MIS18BP1: variants seen among roughly 807,000 people sequenced by gnomAD.
MIS18BP1 encodes the protein MIS18 binding protein 1.
Under a neutral mutation model 116.1 loss-of-function variants are expected in MIS18BP1, and 72 were observed. That is an observed-to-expected ratio of 0.62 (90% CI 0.51 to 0.75). The LOEUF (loss-of-function observed/expected upper bound fraction) is 0.75. MIS18BP1 is among the 30% of genes least tolerant of loss of function. MIS18BP1 has a pLI of 0.00. For synonymous variants in MIS18BP1, 386 were observed against 427.0 expected (o/e 0.90, Z 1.18); for missense variants, 1,363 against 1,303.2 (o/e 1.05, Z -0.71).
rs1890435067 is a variant in MIS18BP1, at chr14:45,203,908, G to A, written c.*201C>T. 2 of 568,580 alleles carry A rather than the reference G, an allele frequency of 3.5e-6. No individual in the cohort carries two copies. The highest frequency in any genetic ancestry group is 4.4e-5 in the Admixed American group (1 of 22,626). The allele number at this position is 568,580 out of a possible 1,614,324, so 35.2% of individuals were successfully genotyped here. A position where few individuals can be genotyped will look rare whatever the true frequency, so the allele number is the denominator to read the frequency against. On this transcript the variant is annotated 3_prime_UTR_variant, in exon 17 of 17. Transcript: ENST00000310806. ...AACAAATTTACAGATATCTACACGA[G>A]CAAAAACAATTTTCTTTACATTTTT...
At chr14:45,232,473 C>A in intron 7 of MIS18BP1, 2 of 317,540 alleles carry the variant, frequency 6.3e-6, no homozygotes, top group Non-Finnish European at 1.2e-5. Flanking sequence ...AAACAAATAC[C>A]TAAAACAGGT....
At position 45,224,101 on chromosome 14, in the gene MIS18BP1, T is replaced by A; in HGVS notation, c.2486A>T (p.Tyr829Phe). ...AGGTCTAGCTTTCTTTTGTTTGATA[T>A]AAAATTCATTTTCACTTTCTTCAGT... ...PETEESENEF[Y>F]IKQKKARPSV... The change falls in exon 11 of 17, where the codon TAT becomes TTT. Residue 829 changes from tyrosine (Y) to phenylalanine (F), a missense_variant. Coordinates refer to ENST00000310806, the MANE Select transcript of MIS18BP1 (RefSeq NM_018353.5). 1 of 1,612,414 alleles carries A rather than the reference T, an allele frequency of 6.2e-7. No homozygotes were observed. Among genetic ancestry groups the A allele is most frequent in the Non-Finnish European group, 8.5e-7 (1 of 1,179,676 alleles).
At chr14:45,238,850 T>A (rs75455570) in intron 4 of MIS18BP1, among the ~76,000 whole-genome samples, 11,961 of 152,214 alleles carry the variant, frequency 0.079, 621 homozygotes, top group South Asian at 0.16. Context: ...GGATAGTTTA[T>A]AAGCCATGGG....
At chr14:45,245,386 T>C (rs973141633) in intron 2 of MIS18BP1, among the ~76,000 whole-genome samples, 2 of 151,916 alleles carry the variant, frequency 1.3e-5, no homozygotes, top group African/African-American at 4.8e-5. Flanking sequence ...TTTTTTGAGA[T>C]GGAGTTTTGC....
intron 10 of MIS18BP1, 127 bp from the exon 11 acceptor site, chr14:45,224,873 A>C (rs548009626): frequency 2.9e-6 from 2 of 684,936 alleles, no homozygotes; most frequent in African/African-American, 3.6e-5. Flanking sequence ...CTGTATACCC[A>C]CCTGTCATAT....
chr14:45,221,414 G>A (rs1219471950), intron 11 of MIS18BP1, among the ~76,000 whole-genome samples: 1 of 152,068 alleles, frequency 6.6e-6, no homozygotes, highest in Non-Finnish European at 1.5e-5. Context: ...TCCAGCCTGG[G>A]CGACAGAGCA....
intron 2 of MIS18BP1, 29 bp from the exon 3 acceptor site, chr14:45,242,903 A>T (rs776319967): frequency 4.8e-6 from 7 of 1,456,620 alleles, no homozygotes; most frequent in African/African-American, 2.9e-5. Flanking sequence ...AAGAAAGAAG[A>T]AGTTGAATTG....
chr14:45,210,423 G>C lies in MIS18BP1; in HGVS notation c.3109C>G (p.Gln1037Glu). The stretch of plus-strand genomic sequence containing the variant: ...ATGCCAGGACTGACATGCTGACATT[G>C]AGGAGTTTTTACCAATGGAAAGATA... ...SVIFPLVKTPQCQHVSPGMLG... is the reference protein window; with the variant it reads ...SVIFPLVKTPECQHVSPGMLG... The change falls in exon 14 of 17, where the codon CAA becomes GAA. Residue 1037 changes from glutamine to glutamate, a missense_variant. Coordinates refer to ENST00000310806, the MANE Select transcript of MIS18BP1 (RefSeq NM_018353.5). 1 of 1,613,982 alleles carries C rather than the reference G, an allele frequency of 6.2e-7. No homozygotes were observed. Among genetic ancestry groups the C allele is most frequent in the Admixed American group, 1.7e-5 (1 of 60,020 alleles).
intron 10 of MIS18BP1, among the ~76,000 whole-genome samples, chr14:45,225,448 A>T (rs1440926717): frequency 6.6e-6 from 1 of 152,092 alleles, no homozygotes; most frequent in Non-Finnish European, 1.5e-5. Context: ...ATAAGTAAAT[A>T]CTTGTTAAAT....
At chr14:45,222,229 T>A (rs1408309564) in intron 11 of MIS18BP1, among the ~76,000 whole-genome samples, 1 of 152,214 alleles carries the variant, frequency 6.6e-6, no homozygotes, top group African/African-American at 2.4e-5. Flanking sequence ...CCATTTAATT[T>A]AATTATGTTG....
At chr14:45,211,158 C>T (rs1417931647) in intron 13 of MIS18BP1, among the ~76,000 whole-genome samples, 1 of 152,170 alleles carries the variant, frequency 6.6e-6, no homozygotes, top group Non-Finnish European at 1.5e-5. Flanking sequence ...CCATTCTATG[C>T]TCCCATGCCT....
intron 11 of MIS18BP1, among the ~76,000 whole-genome samples, chr14:45,221,639 T>C (rs1473797363): frequency 6.6e-6 from 1 of 152,208 alleles, no homozygotes; most frequent in Non-Finnish European, 1.5e-5. Context: ...ATTTCAGCTA[T>C]TTTAAATCTG....
At chr14:45,234,165 C>T (rs1432941700) in intron 6 of MIS18BP1, among the ~76,000 whole-genome samples, 1 of 151,488 alleles carries the variant, frequency 6.6e-6, no homozygotes, top group East Asian at 1.9e-4. Context: ...AATGTGGAGG[C>T]CACTGGTGAC....
At chr14:45,215,939 C>G (rs890187928) in intron 13 of MIS18BP1, among the ~76,000 whole-genome samples, 1 of 151,818 alleles carries the variant, frequency 6.6e-6, no homozygotes, top group Non-Finnish European at 1.5e-5. Flanking sequence ...CTCCTGACCT[C>G]GTGATCTGCC....
At chr14:45,212,990 T>C (rs1890716763) in intron 13 of MIS18BP1, among the ~76,000 whole-genome samples, 1 of 152,262 alleles carries the variant, frequency 6.6e-6, no homozygotes, top group Non-Finnish European at 1.5e-5. Flanking sequence ...CTTTCATTCC[T>C]GCACTAAAAC....
chr14:45,235,253 C>T (rs4900666), intron 6 of MIS18BP1, among the ~76,000 whole-genome samples: 11,851 of 150,456 alleles, frequency 0.079, 603 homozygotes, highest in South Asian at 0.16. Context: ...CTTCTGTATC[C>T]ATTCCCTGGG....
chr14:45,214,193 AG>A (rs1454160447), intron 13 of MIS18BP1, among the ~76,000 whole-genome samples: 2 of 152,188 alleles, frequency 1.3e-5, no homozygotes, highest in Non-Finnish European at 2.9e-5. Flanking sequence ...TTTGCAGTTG[AG>A]ATAAGAGGAA....
At position 45,224,114 on chromosome 14, in the gene MIS18BP1, CA is replaced by C; in HGVS notation, c.2472del (p.Ser824ArgfsTer35). The C allele has an allele frequency of 6.2e-7, 1 of 1,612,482 alleles. No homozygotes were observed. Among genetic ancestry groups the C allele is most frequent in the Non-Finnish European group, 8.5e-7 (1 of 1,179,688 alleles). Reference protein sequence around the residue: ...PVILEPETEESENEFYIKQKK... With the variant: ...PVILEPETEEXENEFYIKQKK... Reference sequence around the variant, plus strand: ...TTTTGTTTGATATAAAATTCATTTTCACTTTCTTCAGTTTCAGGTTCCAAAA... The same window carrying C: ...TTTTGTTTGATATAAAATTCATTTTCCTTTCTTCAGTTTCAGGTTCCAAAA... On this transcript the variant is annotated frameshift_variant, in exon 11 of 17. Transcript: ENST00000310806. LOFTEE classifies it high-confidence loss of function.
intron 8 of MIS18BP1, 46 bp from the exon 9 acceptor site, chr14:45,227,860 AG>A: frequency 6.3e-7 from 1 of 1,578,022 alleles, no homozygotes. Flanking sequence ...TATATAAAAG[AG>A]AAGCTGCTTT....
Sources: gnomAD v4.1 joint callset for allele counts (sites outside exome capture counted in the v4.1 genomes callset) on GRCh38, gnomAD v4.1.1 for gene constraint, MANE v1.5 for transcripts, NCBI Gene and HGNC (gene_info 2026-07-23, HGNC 2026-07-21) for gene names.